Variants in ANAPC1 observed in about 807,000 individuals in gnomAD.
ANAPC1 encodes the protein anaphase promoting complex subunit 1, also known as anaphase-promoting complex subunit 1.
A neutral mutation model predicts 208.0 loss-of-function variants in ANAPC1; 36 were observed. That is an observed-to-expected ratio of 0.17 (90% confidence interval 0.13 to 0.23). The LOEUF is 0.23. Among genes scored for constraint, ANAPC1 ranks in the 10% least tolerant of loss-of-function variants. ANAPC1 has a pLI of 1.00. For missense variants in ANAPC1, 942 were observed against 2,011.6 expected, an observed-to-expected ratio of 0.47 and a Z score of 10.17; for synonymous variants, 378 against 695.2, an observed-to-expected ratio of 0.54 and a Z score of 7.18.
chr2:111,773,458 C>T (rs574543257), intron 46 of ANAPC1, among the ~76,000 whole-genome samples: 1 of 152,272 alleles, frequency 6.6e-6, no homozygotes, highest in South Asian at 2.1e-4. Context: ...GCCTTACCTG[C>T]AGACCTCTAA....
intron 13 of ANAPC1, among the ~76,000 whole-genome samples, chr2:111,851,534 C>T (rs1170796213): frequency 1.3e-5 from 2 of 151,808 alleles, no homozygotes; most frequent in Non-Finnish European, 2.9e-5. Flanking sequence ...CGGCCGGGCG[C>T]GGTGGCTCAC....
intron 3 of ANAPC1, 85 bp from the exon 4 acceptor site, chr2:111,873,749 G>A (rs1315131579): frequency 1.4e-6 from 2 of 1,413,350 alleles, no homozygotes; most frequent in East Asian, 2.7e-5. Context: ...AATAATAATA[G>A]CATCTACGTA....
At chr2:111,775,875 T>C (rs1275658098) in intron 46 of ANAPC1, among the ~76,000 whole-genome samples, 1 of 152,286 alleles carries the variant, frequency 6.6e-6, no homozygotes, top group African/African-American at 2.4e-5. Flanking sequence ...ATCCAAAAAA[T>C]TATGAAGCTA....
intron 42 of ANAPC1, among the ~76,000 whole-genome samples, chr2:111,783,385 G>T (rs1291976692): frequency 6.6e-6 from 1 of 152,006 alleles, no homozygotes; most frequent in East Asian, 1.9e-4. Context: ...CACGAGATCT[G>T]ATGGTTTAAA....
chr2:111,851,347 C>T (rs896077073), intron 13 of ANAPC1, among the ~76,000 whole-genome samples: 5 of 152,112 alleles, frequency 3.3e-5, no homozygotes, highest in Non-Finnish European at 1.5e-5. Flanking sequence ...AAGCCATCTG[C>T]CCACCTAGAC....
chr2:111,787,894 T>G (rs1677649427), intron 39 of ANAPC1, among the ~76,000 whole-genome samples: 1 of 146,416 alleles, frequency 6.8e-6, no homozygotes, highest in Non-Finnish European at 1.5e-5. Flanking sequence ...ATTAAATAAT[T>G]AGAGCACAAA....
At chr2:111,848,602 C>T (rs1208231661) in intron 14 of ANAPC1, among the ~76,000 whole-genome samples, 4 of 151,942 alleles carry the variant, frequency 2.6e-5, no homozygotes, top group African/African-American at 9.7e-5. Flanking sequence ...CATGGTGAAA[C>T]CCCATCTCTA....
intron 13 of ANAPC1, among the ~76,000 whole-genome samples, chr2:111,854,068 G>A (rs1214441987): frequency 2.6e-5 from 4 of 152,052 alleles, no homozygotes; most frequent in Admixed American, 1.3e-4. Flanking sequence ...CACTATCTAT[G>A]GCAGCTCCAG....
At chr2:111,808,798 T>G (rs1005400555) in intron 29 of ANAPC1, 149 bp downstream of exon 29, 2 of 1,022,090 alleles carry the variant, frequency 2.0e-6, no homozygotes, top group African/African-American at 3.3e-5. Flanking sequence ...AGTTTTGTTG[T>G]TTTTTTTAAT....
intron 7 of ANAPC1, chr2:111,866,401 C>T (rs1682416787): frequency 6.4e-6 from 1 of 155,532 alleles, no homozygotes; most frequent in African/African-American, 3.2e-5. Flanking sequence ...ACACACCCAC[C>T]AAAGCCCATG....
intron 30 of ANAPC1, among the ~76,000 whole-genome samples, chr2:111,805,377 A>G (rs1392737290): frequency 1.1e-5 from 1 of 92,022 alleles, no homozygotes; most frequent in Admixed American, 1.1e-4. Context: ...TACTGGGACA[A>G]CATTCTGGGA....
chr2:111,862,644 G>C (rs1454267676), intron 9 of ANAPC1, 46 bp from the exon 10 acceptor site: 4 of 1,588,820 alleles, frequency 2.5e-6, no homozygotes, highest in Non-Finnish European at 3.4e-6. Context: ...TAGCAAGGCA[G>C]GCTTATATGA....
At chr2:111,828,454 G>C (rs1679954467) in intron 21 of ANAPC1, among the ~76,000 whole-genome samples, 1 of 152,122 alleles carries the variant, frequency 6.6e-6, no homozygotes, top group Non-Finnish European at 1.5e-5. Context: ...ATATTAAAAA[G>C]AACTGAAAGC....
intron 17 of ANAPC1, 48 bp from the exon 18 acceptor site, chr2:111,838,560 T>C (rs1437173113): frequency 2.0e-6 from 3 of 1,465,858 alleles, no homozygotes; most frequent in African/African-American, 2.8e-5. Context: ...AATGCATTCC[T>C]GTCAACTGAT....
intron 18 of ANAPC1, among the ~76,000 whole-genome samples, chr2:111,837,979 G>C (rs528540090): frequency 6.6e-6 from 1 of 151,832 alleles, no homozygotes; most frequent in South Asian, 2.1e-4. Flanking sequence ...CAGCTATTCA[G>C]GAGGCTGAGG....
chr2:111,882,840 T>C (rs989817732), intron 1 of ANAPC1, among the ~76,000 whole-genome samples: 1 of 151,808 alleles, frequency 6.6e-6, no homozygotes, highest in Non-Finnish European at 1.5e-5. Context: ...ACTGGGACAC[T>C]TGAACTTGGA....
intron 9 of ANAPC1, among the ~76,000 whole-genome samples, chr2:111,862,841 G>A (rs533123374): frequency 2.8e-4 from 43 of 152,054 alleles, no homozygotes; most frequent in African/African-American, 8.9e-4. Flanking sequence ...CTAAAACTTA[G>A]ATCATCTTCT....
At chr2:111,795,074 A>T (rs890154266) in intron 34 of ANAPC1, 180 bp from the exon 35 acceptor site, 66 of 481,862 alleles carry the variant, frequency 1.4e-4, no homozygotes, top group African/African-American at 1.1e-3. Context: ...TTCAAATCTA[A>T]GATGGGCTAA....
intron 3 of ANAPC1, among the ~76,000 whole-genome samples, chr2:111,875,157 TGCCTAATGATTA>T (rs1322470450): frequency 6.6e-6 from 1 of 152,270 alleles, no homozygotes; most frequent in Non-Finnish European, 1.5e-5. Flanking sequence ...AATCTGCATT[TGCCTAATGATTA>T]GCGAAGCTGA....
Sources: gnomAD v4.1 joint callset for allele counts (sites outside exome capture counted in the v4.1 genomes callset) on GRCh38, gnomAD v4.1.1 for gene constraint, MANE v1.5 for transcripts, NCBI Gene and HGNC (gene_info 2026-07-23, HGNC 2026-07-21) for gene names.